Variants in MPDZ observed in about 807,000 individuals in gnomAD.
The protein encoded by MPDZ is multiple PDZ domain crumbs cell polarity complex component.
Under a neutral mutation model 239.1 loss-of-function variants are expected in MPDZ, and 234 were observed. That is an observed-to-expected ratio of 0.98 (90% CI 0.88 to 1.09). The LOEUF (loss-of-function observed/expected upper bound fraction) is 1.09. Among genes scored for constraint, MPDZ ranks in the 50% least tolerant of loss-of-function variants. The pLI is 0.00. For synonymous variants in MPDZ, 1,048 were observed against 881.3 expected (o/e 1.19, Z -3.35); for missense variants, 3,175 against 2,510.0 (o/e 1.26, Z -5.66).
chr9:13,121,234 C>G (rs142768002), intron 38 of MPDZ, among the ~76,000 whole-genome samples: 1 of 152,124 alleles, frequency 6.6e-6, no homozygotes. Context: ...TAAACCAATA[C>G]TCACTTATCA....
At chr9:13,183,640 A>G (rs1043270554) in intron 18 of MPDZ, 55 bp from the exon 19 acceptor site, 15 of 1,558,936 alleles carry the variant, frequency 9.6e-6, no homozygotes, top group Admixed American at 3.7e-5. Context: ...CATATATGAC[A>G]AACAATCTCC....
In MPDZ at chr9:13,119,577, C is replaced by G. The variant is rs755913293; in HGVS notation, c.5304G>C (p.Gln1768His). ...GIADADGRLMQGDQILMVNGE... is the reference protein window; with the variant it reads ...GIADADGRLMHGDQILMVNGE... ...CATTCACCATTAATATCTGGTCTCC[C>G]TGCATCAGTCTTCCATCGGCATCTG... is the stretch of plus-strand genomic sequence containing the variant. The change falls in exon 39 of 47, where the codon CAG (glutamine) becomes CAC (histidine). Residue 1768 changes from glutamine (Q) to histidine (H), a missense_variant. Transcript: ENST00000319217. 16 of 1,613,894 alleles carry G rather than the reference C, an allele frequency of 9.9e-6. No individual in the cohort carries two copies. Among genetic ancestry groups the G allele is most frequent in the South Asian group, 4.4e-5 (4 of 91,084 alleles).
At chr9:13,186,433 G>C in intron 17 of MPDZ, 47 bp from the exon 18 acceptor site, 1 of 1,317,772 alleles carries the variant, frequency 7.6e-7, no homozygotes, top group Non-Finnish European at 1.1e-6. Context: ...GAACAGCAAA[G>C]AAGAAAGAAA....
intron 1 of MPDZ, among the ~76,000 whole-genome samples, chr9:13,258,033 A>G (rs980601684): frequency 6.6e-6 from 1 of 152,208 alleles, no homozygotes; most frequent in African/African-American, 2.4e-5. Flanking sequence ...AATCTCAAAG[A>G]TTTTACCTGT....
At chr9:13,168,293 T>A in intron 22 of MPDZ, 73 bp downstream of exon 22, 1 of 1,382,468 alleles carries the variant, frequency 7.2e-7, no homozygotes. Context: ...CAGAAGTGAA[T>A]ACTGAAAAAG....
chr9:13,173,705 A>T lies in MPDZ; in HGVS notation c.3055+2047T>A, dbSNP rs570122612. Among the ~76,000 whole-genome samples the T allele has an allele frequency of 4.7e-4, 66 of 139,842 alleles. No individual in the cohort carries two copies. The South Asian group carries it at 9.2e-3, about 19-fold the overall frequency. 91.7% of individuals were successfully genotyped at this position (139,842 alleles called of 152,430 possible). A position where few individuals can be genotyped will look rare whatever the true frequency, so the allele number is the denominator to read the frequency against. On this transcript the variant is annotated intron_variant, in intron 21 of 46. Coordinates refer to ENST00000319217, the MANE Select transcript of MPDZ (RefSeq NM_001378778.1). ...GGGCAACAAAGCGAAACTCTCTCTC[A>T]AAAAAAAAAAAAAAATTGGTAAGCA... is the stretch of plus-strand genomic sequence containing the variant.
At chr9:13,170,102 A>C (rs2133956269) in intron 21 of MPDZ, among the ~76,000 whole-genome samples, 1 of 152,316 alleles carries the variant, frequency 6.6e-6, no homozygotes, top group African/African-American at 2.4e-5. Flanking sequence ...TCCAAAACAA[A>C]ATTATATAAT....
intron 17 of MPDZ, among the ~76,000 whole-genome samples, chr9:13,187,867 TTAATA>T (rs1954349160): frequency 3.3e-5 from 5 of 152,200 alleles, no homozygotes; most frequent in Admixed American, 3.3e-4. Flanking sequence ...ATCACTACAT[TTAATA>T]TAACATACTG....
chr9:13,223,673 G>A lies in MPDZ; in HGVS notation c.431C>T (p.Pro144Leu). ...AACACTAAACCCAAGGCCTCCAGAT[G>A]GAGGTTTGAGGAGCTCAAAAACTTC... ...HVEVFELLKP[P>L]SGGLGFSVVG... The change falls in exon 5 of 47, where the codon CCA becomes CTA. Residue 144 changes from proline to leucine, a missense_variant. By Grantham distance (98) the Pro-to-Leu change is moderately conservative. Transcript: ENST00000319217. The A allele has an allele frequency of 6.2e-7, 1 of 1,609,872 alleles. No homozygotes were observed. The highest frequency in any genetic ancestry group is 8.5e-7 in the Non-Finnish European group (1 of 1,177,886).
At chr9:13,153,728 G>C (rs997935648) in intron 24 of MPDZ, among the ~76,000 whole-genome samples, 19 of 152,154 alleles carry the variant, frequency 1.2e-4, no homozygotes, top group African/African-American at 4.6e-4. Context: ...TTTACATATA[G>C]TAAGTTCAGC....
At chr9:13,176,589 A>G (rs941202161) in intron 19 of MPDZ, among the ~76,000 whole-genome samples, 172 bp from the exon 20 acceptor site, 1 of 152,210 alleles carries the variant, frequency 6.6e-6, no homozygotes, top group East Asian at 1.9e-4. Context: ...GATTTTCTGC[A>G]TATCTTTATT....
chr9:13,272,553 T>C (rs1403404298), intron 1 of MPDZ, among the ~76,000 whole-genome samples: 1 of 151,854 alleles, frequency 6.6e-6, no homozygotes, highest in African/African-American at 2.4e-5. Context: ...ATGAGGCCCC[T>C]GTAATCCCAA....
chr9:13,181,160 T>C (rs1012053362), intron 19 of MPDZ, among the ~76,000 whole-genome samples: 1 of 152,164 alleles, frequency 6.6e-6, no homozygotes, highest in African/African-American at 2.4e-5. Flanking sequence ...ATCTAAGGAA[T>C]TGCTGAGATC....
At chr9:13,232,069 G>T (rs1466726678) in intron 3 of MPDZ, among the ~76,000 whole-genome samples, 4 of 152,082 alleles carry the variant, frequency 2.6e-5, no homozygotes, top group African/African-American at 4.8e-5. Flanking sequence ...TAGACCCAAG[G>T]TTTTAGGTAA....
intron 35 of MPDZ, 69 bp downstream of exon 35, chr9:13,125,147 A>G: frequency 7.8e-6 from 11 of 1,415,466 alleles, no homozygotes; most frequent in Non-Finnish European, 1.0e-5. Context: ...GCTGGCTCCC[A>G]AGCAGAAACC....
chr9:13,149,000 C>A (rs1320457402), intron 25 of MPDZ, among the ~76,000 whole-genome samples: 2 of 151,558 alleles, frequency 1.3e-5, no homozygotes, highest in Admixed American at 1.3e-4. Context: ...AAAAAAATCT[C>A]TTTTGCTATT....
chr9:13,208,152 C>G (rs146077460), intron 10 of MPDZ, among the ~76,000 whole-genome samples: 1 of 152,222 alleles, frequency 6.6e-6, no homozygotes, highest in African/African-American at 2.4e-5. Context: ...ATTATAAGAT[C>G]TAGATCAAGG....
In MPDZ at chr9:13,247,638, G is replaced by C; in HGVS notation, c.180C>G (p.Asp60Glu). ...SLQTSVQQLK[D>E]QVNIATSATS... is the part of the protein sequence containing the mutation. ...GCTTGGGTGAATGATGTCCTACCTG[G>C]TCTTTCAGCTGCTGTACAGAAGTCT... Residue 60 changes from aspartate to glutamate, a missense_variant, in exon 3 of 47, where the codon GAC (aspartate) becomes GAG (glutamate). By Grantham distance (45) the Asp-to-Glu change is conservative. Coordinates refer to ENST00000319217, the MANE Select transcript of MPDZ (RefSeq NM_001378778.1). 1 of 1,609,452 alleles carries C rather than the reference G, an allele frequency of 6.2e-7. No homozygotes were observed. Among genetic ancestry groups the C allele is most frequent in the Non-Finnish European group, 8.5e-7 (1 of 1,176,460 alleles).
At chr9:13,215,478 G>A (rs998576556) in intron 10 of MPDZ, among the ~76,000 whole-genome samples, 5 of 149,916 alleles carry the variant, frequency 3.3e-5, no homozygotes, top group Non-Finnish European at 7.4e-5. Context: ...TCCATTCATA[G>A]ATATTTGGGT....
Sources: gnomAD v4.1 joint callset for allele counts (sites outside exome capture counted in the v4.1 genomes callset) on GRCh38, gnomAD v4.1.1 for gene constraint, MANE v1.5 for transcripts, NCBI Gene and HGNC (gene_info 2026-07-23, HGNC 2026-07-21) for gene names.